Variants in EYS observed in about 807,000 individuals in gnomAD.
EYS encodes EGF-like photoreceptor maintenance factor.
Under a neutral mutation model 282.1 loss-of-function variants are expected in EYS, and 250 were observed. The observed-to-expected ratio is 0.89, with a 90% CI of 0.80 to 0.98. The LOEUF is 0.98. EYS is among the 50% of genes least tolerant of loss of function. EYS has a pLI of 0.00. For missense variants in EYS, 4,016 were observed against 3,709.0 expected, an observed-to-expected ratio of 1.08 and a Z score of -2.15; for synonymous variants, 1,355 against 1,282.9, an observed-to-expected ratio of 1.06 and a Z score of -1.20.
At chr6:65,090,307 T>G (rs1774520722) in intron 12 of EYS, among the ~76,000 whole-genome samples, 1 of 152,180 alleles carries the variant, frequency 6.6e-6, no homozygotes, top group South Asian at 2.1e-4. Flanking sequence ...CTTCTTACAC[T>G]TCTTTCTGCC....
intron 2 of EYS, among the ~76,000 whole-genome samples, chr6:65,546,376 G>C (rs1241332198): frequency 6.6e-6 from 1 of 150,910 alleles, no homozygotes; most frequent in Admixed American, 6.6e-5. Flanking sequence ...CATTGAAAAT[G>C]CATAATTTTC....
chr6:64,073,797 C>T (rs1771673974), intron 32 of EYS, among the ~76,000 whole-genome samples: 1 of 151,096 alleles, frequency 6.6e-6, no homozygotes, highest in South Asian at 2.1e-4. Flanking sequence ...TATATGTTTG[C>T]AAATATATAT....
chr6:64,194,076 G>C (rs146202886), intron 31 of EYS, among the ~76,000 whole-genome samples: 1 of 152,060 alleles, frequency 6.6e-6, no homozygotes, highest in African/African-American at 2.4e-5. Context: ...GTTTCACCAC[G>C]TAAGCCAGGA....
intron 5 of EYS, among the ~76,000 whole-genome samples, chr6:65,456,055 GAA>G (rs1328941360): frequency 6.6e-6 from 1 of 151,128 alleles, no homozygotes; most frequent in African/African-American, 2.4e-5. Context: ...GAGAAAGAAA[GAA>G]AGAAGGAAAG....
chr6:64,783,953 T>A (rs2149995585), intron 22 of EYS, among the ~76,000 whole-genome samples: 1 of 152,282 alleles, frequency 6.6e-6, no homozygotes, highest in South Asian at 2.1e-4. Context: ...AACAAAAATT[T>A]AATCAAAATA....
At chr6:64,870,184 T>C (rs1766548088) in intron 19 of EYS, among the ~76,000 whole-genome samples, 1 of 151,548 alleles carries the variant, frequency 6.6e-6, no homozygotes, top group South Asian at 2.1e-4. Context: ...TTTAGGTATA[T>C]ACCAAAGAGA....
At chr6:65,172,053 A>C (rs12206882) in intron 12 of EYS, among the ~76,000 whole-genome samples, 6,453 of 151,518 alleles carry the variant, frequency 0.043, 198 homozygotes, top group Middle Eastern at 0.065. Flanking sequence ...CTTTGGCATA[A>C]ATTTTAGAGG....
intron 2 of EYS, among the ~76,000 whole-genome samples, chr6:65,537,518 G>A (rs1018233215): frequency 1.3e-5 from 2 of 151,052 alleles, no homozygotes; most frequent in Non-Finnish European, 2.9e-5. Flanking sequence ...TATATAACAT[G>A]CACACACACA....
chr6:65,701,272 G>C (rs1000233575), intron 1 of EYS, among the ~76,000 whole-genome samples: 2 of 152,104 alleles, frequency 1.3e-5, no homozygotes, highest in African/African-American at 4.8e-5. Context: ...AAAATAACAC[G>C]AATGTCTATT....
At chr6:65,558,681 G>T (rs1281833667) in intron 2 of EYS, among the ~76,000 whole-genome samples, 1 of 152,258 alleles carries the variant, frequency 6.6e-6, no homozygotes, top group East Asian at 1.9e-4. Context: ...ACACAACTTC[G>T]GATATAGCAA....
At chr6:64,804,755 GTATT>G (rs1478982755) in intron 22 of EYS, among the ~76,000 whole-genome samples, 1 of 151,960 alleles carries the variant, frequency 6.6e-6, no homozygotes, top group East Asian at 1.9e-4. Context: ...ATATATCTGT[GTATT>G]TATATTTTCT....
intron 7 of EYS, among the ~76,000 whole-genome samples, chr6:65,390,588 GA>G (rs1765987675): frequency 6.6e-6 from 1 of 151,752 alleles, no homozygotes; most frequent in South Asian, 2.1e-4. Flanking sequence ...AGAAAGTGTA[GA>G]AAAAATATTG....
Position 65,384,393 on chromosome 6 carries a change from C to T in EYS, c.1292G>A (p.Arg431Lys), listed in dbSNP as rs756240610. 9 of 1,585,810 alleles carry T rather than the reference C, an allele frequency of 5.7e-6. No homozygotes were observed. Among genetic ancestry groups the T allele is most frequent in the African/African-American group, 1.3e-5 (1 of 74,406 alleles). The change falls in exon 8 of 43, where the codon AGA becomes AAA. Residue 431 changes from arginine to lysine, a missense_variant. Coordinates refer to ENST00000503581, the MANE Select transcript of EYS (RefSeq NM_001142800.2). The stretch of plus-strand genomic sequence containing the variant: ...ATGTATTAAATTACTTACTTTGAAT[C>T]TTCCAATTATATTGAAACACCATTC... ...NEEWCFNIIG[R>K]FKYVCIPGCT...
At chr6:65,008,362 G>T (rs1413113104) in intron 13 of EYS, among the ~76,000 whole-genome samples, 2 of 152,048 alleles carry the variant, frequency 1.3e-5, no homozygotes, top group Non-Finnish European at 1.5e-5. Flanking sequence ...TCAAAAGTCT[G>T]CCATAGGCCC....
intron 12 of EYS, among the ~76,000 whole-genome samples, chr6:65,228,411 C>T (rs1056093083): frequency 1.6e-4 from 24 of 151,790 alleles, no homozygotes; most frequent in African/African-American, 5.6e-4. Flanking sequence ...TATGCAAGAC[C>T]TACACATTTA....
chr6:64,392,858 C>A (rs1440336889), intron 28 of EYS, among the ~76,000 whole-genome samples: 3 of 150,956 alleles, frequency 2.0e-5, no homozygotes, highest in African/African-American at 4.9e-5. Flanking sequence ...TTGAAAGGAT[C>A]AACAAAATTG....
chr6:64,893,211 G>T (rs1767343651), intron 18 of EYS, among the ~76,000 whole-genome samples: 2 of 151,952 alleles, frequency 1.3e-5, no homozygotes, highest in South Asian at 2.1e-4. Context: ...GTTCACTTTT[G>T]CAGTGGATTT....
At chr6:64,367,682 T>C (rs924089438) in intron 29 of EYS, among the ~76,000 whole-genome samples, 2 of 151,944 alleles carry the variant, frequency 1.3e-5, no homozygotes, top group African/African-American at 4.8e-5. Context: ...GATGAGATAA[T>C]GTATTCTATA....
chr6:64,344,207 T>G (rs1771268067), intron 29 of EYS, among the ~76,000 whole-genome samples: 2 of 152,190 alleles, frequency 1.3e-5, no homozygotes, highest in African/African-American at 4.8e-5. Context: ...ACTCATTTCA[T>G]GAGGCCAGCA....
Sources: allele counts gnomAD v4.1 joint callset (sites outside exome capture counted in the v4.1 genomes callset), GRCh38; gene constraint gnomAD v4.1.1; transcripts MANE v1.5; gene names NCBI Gene and HGNC (gene_info 2026-07-23, HGNC 2026-07-21).